Variants in GPHN observed in about 807,000 individuals in gnomAD.
The protein encoded by GPHN is gephyrin.
Under a neutral mutation model 95.5 loss-of-function variants are expected in GPHN, and 17 were observed. That is an observed-to-expected ratio of 0.18 (90% CI 0.12 to 0.27). The LOEUF (loss-of-function observed/expected upper bound fraction) is 0.27. GPHN is among the 10% of genes least tolerant of loss of function. The pLI, the probability that GPHN is intolerant of heterozygous loss-of-function variation, is 1.00. For synonymous variants in GPHN, 320 were observed against 322.5 expected, an observed-to-expected ratio of 0.99 and a Z score of 0.08; for missense variants, 660 against 978.1, an observed-to-expected ratio of 0.67 and a Z score of 4.34.
At chr14:66,534,310 A>G (rs1210050202) in intron 1 of GPHN, among the ~76,000 whole-genome samples, 1 of 151,988 alleles carries the variant, frequency 6.6e-6, no homozygotes, top group African/African-American at 2.4e-5. Flanking sequence ...TTCTCCTGTC[A>G]CTCCCAAGTA....
chr14:66,798,926 C>T (rs2060251111), intron 3 of GPHN, among the ~76,000 whole-genome samples: 1 of 151,472 alleles, frequency 6.6e-6, no homozygotes, highest in South Asian at 2.1e-4. Flanking sequence ...TTGAAGTTTC[C>T]TCCTTTTTTA....
At chr14:66,757,345 C>G (rs1024312896) in intron 2 of GPHN, among the ~76,000 whole-genome samples, 1 of 134,812 alleles carries the variant, frequency 7.4e-6, no homozygotes, top group Non-Finnish European at 1.5e-5. Flanking sequence ...TATATATACA[C>G]GCACACACAC....
intron 5 of GPHN, among the ~76,000 whole-genome samples, chr14:66,887,666 G>T (rs992646139): frequency 6.6e-6 from 1 of 152,130 alleles, no homozygotes; most frequent in African/African-American, 2.4e-5. Flanking sequence ...CCTGTCTACA[G>T]CAGTTCCTTT....
chr14:67,301,299 A>C, the GPHN span: 2 of 612,212 alleles, frequency 3.3e-6, no homozygotes, highest in South Asian at 3.6e-5. Flanking sequence ...TTATTATTTT[A>C]ATTTGTACTT....
the GPHN span, among the ~76,000 whole-genome samples, chr14:67,602,637 A>G: frequency 6.6e-6 from 1 of 152,320 alleles, no homozygotes; most frequent in South Asian, 2.1e-4. Flanking sequence ...TTTCATTTTT[A>G]GTTTCATTAA....
At chr14:67,593,684 C>A in the GPHN span, 1 of 958,386 alleles carries the variant, frequency 1.0e-6, no homozygotes, top group Non-Finnish European at 1.7e-6. Context: ...CTGGGAACAT[C>A]CCATGGGCTG....
At chr14:66,921,797 G>A (rs564472246) in intron 6 of GPHN, among the ~76,000 whole-genome samples, 2 of 152,094 alleles carry the variant, frequency 1.3e-5, no homozygotes, top group African/African-American at 2.4e-5. Context: ...ATCACATTAC[G>A]TGATTTCAAA....
chr14:67,474,353 G>A, the GPHN span, among the ~76,000 whole-genome samples: 1 of 152,126 alleles, frequency 6.6e-6, no homozygotes, highest in Non-Finnish European at 1.5e-5. Context: ...AGAGGGAGGT[G>A]TCTGTACTCC....
chr14:66,575,156 T>A (rs1002702066), intron 1 of GPHN, among the ~76,000 whole-genome samples: 2 of 152,202 alleles, frequency 1.3e-5, no homozygotes, highest in African/African-American at 4.8e-5. Flanking sequence ...TCTGAGAAGA[T>A]CTTTATCTCT....
the GPHN span, chr14:67,343,346 A>G: frequency 6.3e-7 from 1 of 1,578,454 alleles, no homozygotes; most frequent in South Asian, 1.1e-5. Context: ...CAAGTGACAA[A>G]GCACCTCACA....
chr14:67,534,761 G>A, the GPHN span, among the ~76,000 whole-genome samples: 92,051 of 151,782 alleles, frequency 0.61, 28,333 homozygotes, highest in Non-Finnish European at 0.65. Flanking sequence ...CAGCTGTAGG[G>A]GAGAGCATGT....
chr14:67,257,060 G>A, the GPHN span, among the ~76,000 whole-genome samples: 24,588 of 151,914 alleles, frequency 0.16, 3,813 homozygotes, highest in East Asian at 0.43. Flanking sequence ...CAATATGTAC[G>A]TTGGTTTGAT....
At chr14:67,172,953 A>G (rs2082684728) in intron 21 of GPHN, among the ~76,000 whole-genome samples, 1 of 152,154 alleles carries the variant, frequency 6.6e-6, no homozygotes, top group African/African-American at 2.4e-5. Context: ...GATAGCAACA[A>G]TAGCCTACTC....
chr14:66,954,759 G>T (rs763892386), intron 8 of GPHN, among the ~76,000 whole-genome samples: 27 of 152,142 alleles, frequency 1.8e-4, no homozygotes, highest in Non-Finnish European at 3.1e-4. Flanking sequence ...GTTTTGTCTA[G>T]ATGCCTCTAT....
the GPHN span, among the ~76,000 whole-genome samples, chr14:67,430,032 G>A: frequency 1.3e-5 from 2 of 152,156 alleles, no homozygotes; most frequent in African/African-American, 2.4e-5. Flanking sequence ...CTCCAAAGTC[G>A]CTGCTCTTAA....
intron 2 of GPHN, among the ~76,000 whole-genome samples, chr14:66,706,906 C>T (rs1005843558): frequency 2.0e-5 from 3 of 152,142 alleles, no homozygotes; most frequent in African/African-American, 7.2e-5. Context: ...ATTTTGCAAT[C>T]TACACATCTG....
At chr14:67,027,672 G>C (rs184248988) in intron 10 of GPHN, among the ~76,000 whole-genome samples, 78 of 151,708 alleles carry the variant, frequency 5.1e-4, no homozygotes, top group Non-Finnish European at 9.1e-4. Context: ...GTGTTTTATC[G>C]GACAAGTGGT....
chr14:66,529,852 A>C (rs1230561639), intron 1 of GPHN, among the ~76,000 whole-genome samples: 1 of 152,092 alleles, frequency 6.6e-6, no homozygotes, highest in Non-Finnish European at 1.5e-5. Context: ...TTCATCCCAG[A>C]GGGGCACCTG....
intron 3 of GPHN, among the ~76,000 whole-genome samples, chr14:66,778,955 G>T (rs1323888179): frequency 1.3e-5 from 2 of 151,518 alleles, no homozygotes; most frequent in African/African-American, 2.4e-5. Context: ...AGTTGGCCAG[G>T]CTGGTCTTGA....
Sources: allele counts gnomAD v4.1 joint callset (sites outside exome capture counted in the v4.1 genomes callset), GRCh38; gene constraint gnomAD v4.1.1; transcripts MANE v1.5; gene names NCBI Gene and HGNC (gene_info 2026-07-23, HGNC 2026-07-21).